Variants in SULT2A1 observed in about 807,000 individuals in gnomAD.
SULT2A1 encodes sulfotransferase 2A1.
A neutral mutation model predicts 33.9 loss-of-function variants in SULT2A1; 43 were observed. The ratio of observed to expected loss-of-function variants is 1.27; its 90% CI spans 1.00 to 1.64. The LOEUF (loss-of-function observed/expected upper bound fraction) is 1.64, where lower values mean the gene tolerates loss of function less well. SULT2A1 is among the 40% of genes most tolerant of loss of function. The pLI is 0.00. For missense variants in SULT2A1, 300 were observed against 335.1 expected, an observed-to-expected ratio of 0.90 and a Z score of 0.82; for synonymous variants, 125 against 113.6, an observed-to-expected ratio of 1.10 and a Z score of -0.64.
chr19:47,870,512 G>A lies in SULT2A1; in HGVS notation c.*943C>T, dbSNP rs952325069. On this transcript the variant is annotated 3_prime_UTR_variant, in exon 6 of 6. Coordinates refer to ENST00000222002, the MANE Select transcript of SULT2A1 (RefSeq NM_003167.4). ...TATATGGTTTAACAACACAGAGTAAGAGGATAAAATTAGATTGCAAATTAC... is the reference window on the plus strand; with the variant it reads ...TATATGGTTTAACAACACAGAGTAAAAGGATAAAATTAGATTGCAAATTAC... 2 of 147,952 alleles carry A rather than the reference G, an allele frequency of 1.4e-5. No homozygotes were observed. Among genetic ancestry groups the A allele is most frequent in the African/African-American group, 4.9e-5 (2 of 41,156 alleles). 9.2% of individuals were successfully genotyped at this position (147,952 alleles called of 1,614,324 possible). A position where few individuals can be genotyped will look rare whatever the true frequency, so the allele number is the denominator to read the frequency against.
chr19:47,882,685 A>G (rs1968614797), intron 2 of SULT2A1, among the ~76,000 whole-genome samples: 1 of 152,070 alleles, frequency 6.6e-6, no homozygotes, highest in Admixed American at 6.6e-5. Flanking sequence ...GCACTTTGGG[A>G]GGCTGAATCA....
chr19:47,874,778 G>C lies in SULT2A1; in HGVS notation c.624C>G (p.Pro208=), dbSNP rs202002259. 4 of 1,614,036 alleles carry C rather than the reference G, an allele frequency of 2.5e-6. No individual in the cohort carries two copies. The change falls in exon 5 of 6, where the codon CCC becomes CCG. Residue 208 remains proline (P), a synonymous_variant. Coordinates refer to ENST00000222002, the MANE Select transcript of SULT2A1 (RefSeq NM_003167.4). The part of the protein sequence containing the change: ...ICQFLGKTLE[P]EELNLILKNS... ...TCTTGAGAATTAAGTTCAGTTCTTCGGGTTCTAACGTCTTTCCCAGGAATT... is the reference window on the plus strand; with the variant it reads ...TCTTGAGAATTAAGTTCAGTTCTTCCGGTTCTAACGTCTTTCCCAGGAATT...
chr19:47,883,837 G>C, intron 1 of SULT2A1, 52 bp from the exon 2 acceptor site: 1 of 1,538,474 alleles, frequency 6.5e-7, no homozygotes, highest in Non-Finnish European at 8.9e-7. Flanking sequence ...AGCCGGACAT[G>C]GTGGCTCACG....
At chr19:47,875,566 A>T (rs1968536181) in intron 4 of SULT2A1, among the ~76,000 whole-genome samples, 1 of 151,976 alleles carries the variant, frequency 6.6e-6, no homozygotes, top group Non-Finnish European at 1.5e-5. Flanking sequence ...TGAACCCAGG[A>T]AGTTGAGGCT....
At position 47,886,301 on chromosome 19, in the gene SULT2A1, C is replaced by T. The variant is rs1245983685; in HGVS notation, c.-44G>A. On this transcript the variant is annotated 5_prime_UTR_variant, in exon 1 of 6. Transcript: ENST00000222002. The stretch of plus-strand genomic sequence containing the variant: ...CGTGGTGTGAGGGTTTCAACTGTAG[C>T]CACCGCTGGAGGCTGTGGCAGCTAC... 5.0e-6 allele frequency: 8 copies of T among 1,609,088 alleles called. No individual in the cohort carries two copies. The highest frequency in any genetic ancestry group is 6.8e-6 in the Non-Finnish European group (8 of 1,177,186).
chr19:47,880,562 CATTATTATTATTATTATT>C (rs66892249), intron 3 of SULT2A1, among the ~76,000 whole-genome samples: 2,654 of 146,526 alleles, frequency 0.018, 68 homozygotes, highest in African/African-American at 0.064. Context: ...GTATGGAATA[CATTATTATTATTATTATT>C]ATTATTATTA....
At chr19:47,877,883 G>A (rs899161650) in intron 4 of SULT2A1, among the ~76,000 whole-genome samples, 3 of 152,172 alleles carry the variant, frequency 2.0e-5, no homozygotes, top group East Asian at 1.9e-4. Context: ...CTGGTTCTGA[G>A]TATCATCGGA....
rs769340121 is a variant in SULT2A1 at position 47,886,198 on chromosome 19, G to T, written c.60C>A (p.Ser20=). The change falls in exon 1 of 6, where the codon TCC becomes TCA. Residue 20 remains serine, a synonymous_variant. Coordinates refer to ENST00000222002, the MANE Select transcript of SULT2A1 (RefSeq NM_003167.4). ...CATCACGTACTTTTCTTAAGGTTTC[G>T]GATCTGAAACCCATAGTAGGGAAAG... ...GIAFPTMGFR[S]ETLRKVRDEF... 4.3e-5 allele frequency: 70 copies of T among 1,613,814 alleles called. No homozygotes were observed. The South Asian group carries it at 7.2e-4, about 17-fold the overall frequency.
intron 1 of SULT2A1, 65 bp downstream of exon 1, chr19:47,886,057 A>G (rs1168998129): frequency 5.7e-6 from 9 of 1,572,538 alleles, no homozygotes; most frequent in South Asian, 1.2e-5. Context: ...AAGAACTCCA[A>G]TCATGCACTG....
At chr19:47,877,331 G>A (rs1968556272) in intron 4 of SULT2A1, among the ~76,000 whole-genome samples, 1 of 150,960 alleles carries the variant, frequency 6.6e-6, no homozygotes. Flanking sequence ...CCGCCTCCTG[G>A]GTTCAAGCGA....
At chr19:47,875,584 G>A (rs2122144977) in intron 4 of SULT2A1, among the ~76,000 whole-genome samples, 1 of 152,112 alleles carries the variant, frequency 6.6e-6, no homozygotes, top group Non-Finnish European at 1.5e-5. Flanking sequence ...GCTGCAGTGA[G>A]CTGTGATTGC....
At chr19:47,871,849 G>A (rs973524250) in intron 5 of SULT2A1, among the ~76,000 whole-genome samples, 4 of 151,826 alleles carry the variant, frequency 2.6e-5, no homozygotes, top group Non-Finnish European at 4.4e-5. Context: ...TTTCTACCAC[G>A]TTGACTCAAG....
intron 5 of SULT2A1, among the ~76,000 whole-genome samples, chr19:47,872,304 A>G (rs1333270459): frequency 6.6e-6 from 1 of 152,140 alleles, no homozygotes; most frequent in Non-Finnish European, 1.5e-5. Flanking sequence ...TTCTCTGCTC[A>G]GATTTTCCGA....
At position 47,886,175 on chromosome 19, in the gene SULT2A1, T is replaced by A; in HGVS notation, c.83A>T (p.Asp28Val). 1.2e-6 allele frequency: 2 copies of A among 1,614,118 alleles called. No homozygotes were observed. Among genetic ancestry groups the A allele is most frequent in the Non-Finnish European group, 8.5e-7 (1 of 1,180,014 alleles). The change falls in exon 1 of 6, where the codon GAT (aspartate) becomes GTT (valine). Residue 28 changes from aspartate (D) to valine (V), a missense_variant. Transcript: ENST00000222002. ...FRSETLRKVR[D>V]EFVIRDEDVI... Reference sequence around the variant, plus strand: ...ATCTTCATCCCTTATCACGAACTCATCACGTACTTTTCTTAAGGTTTCGGA... The same window carrying A: ...ATCTTCATCCCTTATCACGAACTCAACACGTACTTTTCTTAAGGTTTCGGA...
chr19:47,873,733 C>T (rs1968515752), intron 5 of SULT2A1, among the ~76,000 whole-genome samples: 1 of 146,214 alleles, frequency 6.8e-6, no homozygotes, highest in Admixed American at 7.3e-5. Flanking sequence ...ACACCATTCT[C>T]CTGCTTCAGC....
Position 47,871,537 on chromosome 19 carries a change from G to A in SULT2A1, c.776C>T (p.Thr259Ile). 1 of 1,613,970 alleles carries A rather than the reference G, an allele frequency of 6.2e-7. No individual in the cohort carries two copies. The highest frequency in any genetic ancestry group is 1.1e-5 in the South Asian group (1 of 91,070). ...GVSGDWKNHF[T>I]VAQAEDFDKL... ...ATCAAAGTCTTCAGCTTGGGCCACT[G>A]TGAAGTGATTTTTCCAGTCCCCAGA... Residue 259 changes from threonine (T) to isoleucine (I), a missense_variant, in exon 6 of 6, where the codon ACA becomes ATA. Coordinates refer to ENST00000222002, the MANE Select transcript of SULT2A1 (RefSeq NM_003167.4).
At position 47,874,724 on chromosome 19, in the gene SULT2A1, G is replaced by C. The variant is rs1968526170; in HGVS notation, c.678C>G (p.Asn226Lys). The change falls in exon 5 of 6, where the codon AAC becomes AAG. Residue 226 changes from asparagine (N) to lysine (K), a missense_variant. By Grantham distance (94) the Asn-to-Lys change is moderately conservative (BLOSUM62 0). Coordinates refer to ENST00000222002, the MANE Select transcript of SULT2A1 (RefSeq NM_003167.4). ...KNSSFQSMKE[N>K]KMSNYSLLSV... ...TCAGGAGGGAATAATTGGACATCTT[G>C]TTTTCTTTCATGCTCTGAAAGGAGC... is the stretch of plus-strand genomic sequence containing the variant. 6.2e-7 allele frequency: 1 copy of C among 1,614,090 alleles called. No homozygotes were observed. The highest frequency in any genetic ancestry group is 2.2e-5 in the East Asian group (1 of 44,878).
At chr19:47,872,213 C>T (rs897644649) in intron 5 of SULT2A1, among the ~76,000 whole-genome samples, 2 of 152,162 alleles carry the variant, frequency 1.3e-5, no homozygotes, top group African/African-American at 4.8e-5. Context: ...CCACCACACC[C>T]GGCCTGGCCT....
chr19:47,884,235 G>A (rs572914618), intron 1 of SULT2A1, among the ~76,000 whole-genome samples: 150 of 150,472 alleles, frequency 1.0e-3, no homozygotes, highest in Non-Finnish European at 1.9e-3. Context: ...GCAATGGCAC[G>A]ATCTCAGTTC....
Sources: allele counts gnomAD v4.1 joint callset (sites outside exome capture counted in the v4.1 genomes callset), GRCh38; gene constraint gnomAD v4.1.1; transcripts MANE v1.5; gene names NCBI Gene and HGNC (gene_info 2026-07-23, HGNC 2026-07-21).